Variants in TBXAS1 observed in about 807,000 individuals in gnomAD.
The protein encoded by TBXAS1 is thromboxane A synthase 1.
TBXAS1 carries 48 observed loss-of-function variants against 60.7 expected under a neutral mutation model. That is an observed-to-expected ratio of 0.79 (90% CI 0.63 to 1.01). The LOEUF is 1.01. Among genes scored for constraint, TBXAS1 ranks in the 50% least tolerant of loss-of-function variants. The pLI is 0.00. For missense variants in TBXAS1, 685 were observed against 686.3 expected (o/e 1.00, Z 0.02); for synonymous variants, 287 against 269.7 (o/e 1.06, Z -0.63).
intron 4 of TBXAS1, among the ~76,000 whole-genome samples, chr7:139,793,406 G>A (rs767604470): frequency 1.3e-5 from 2 of 151,904 alleles, no homozygotes; most frequent in Non-Finnish European, 2.9e-5. Context: ...ATGACAGAGC[G>A]AGAATCCATT....
At chr7:139,968,043 A>G (rs1401749997) in intron 9 of TBXAS1, among the ~76,000 whole-genome samples, 4 of 152,198 alleles carry the variant, frequency 2.6e-5, no homozygotes, top group Admixed American at 2.6e-4. Flanking sequence ...ATCCTTCACC[A>G]TTTGAGAAGT....
At chr7:139,903,406 G>A (rs1804731398) in intron 3 of TBXAS1, among the ~76,000 whole-genome samples, 1 of 152,036 alleles carries the variant, frequency 6.6e-6, no homozygotes, top group African/African-American at 2.4e-5. Context: ...CTATGAACAT[G>A]CCATGCAAGT....
intron 4 of TBXAS1, among the ~76,000 whole-genome samples, chr7:139,927,204 G>A (rs112525114): frequency 4.0e-5 from 6 of 149,402 alleles, no homozygotes; most frequent in Non-Finnish European, 8.9e-5. Flanking sequence ...CACCATGTTA[G>A]CCAGGCTGGT....
intron 3 of TBXAS1, among the ~76,000 whole-genome samples, chr7:139,906,663 G>T (rs1170987631): frequency 6.6e-6 from 1 of 152,102 alleles, no homozygotes; most frequent in Admixed American, 6.6e-5. Flanking sequence ...AAATATTCTT[G>T]CTGAGACTTT....
intron 1 of TBXAS1, among the ~76,000 whole-genome samples, chr7:139,846,056 A>C (rs1430333719): frequency 2.0e-5 from 3 of 151,912 alleles, no homozygotes; most frequent in South Asian, 2.1e-4. Context: ...TCTGGATCTT[A>C]ATAAAATATT....
chr7:139,856,278 A>C (rs982822256), intron 1 of TBXAS1, among the ~76,000 whole-genome samples: 22 of 152,154 alleles, frequency 1.4e-4, no homozygotes, highest in African/African-American at 5.1e-4. Flanking sequence ...GCTCCTGCTA[A>C]TCTGGGGTGA....
At chr7:139,943,369 A>G (rs932129212) in intron 5 of TBXAS1, among the ~76,000 whole-genome samples, 47 of 152,326 alleles carry the variant, frequency 3.1e-4, no homozygotes, top group African/African-American at 1.1e-3. Flanking sequence ...CACCTGATCT[A>G]CTAATTAAAA....
intron 3 of TBXAS1, among the ~76,000 whole-genome samples, chr7:139,905,132 G>T (rs1010142815): frequency 1.1e-4 from 15 of 141,014 alleles, no homozygotes; most frequent in African/African-American, 4.0e-4. Context: ...GATTGTTCTG[G>T]CTAGGACTTC....
At chr7:140,008,447 C>CTTTTTTTTTT in intron 10 of TBXAS1, among the ~76,000 whole-genome samples, 1 of 126,058 alleles carries the variant, frequency 7.9e-6, no homozygotes, top group Non-Finnish European at 1.6e-5. Context: ...TTCTTTTATT[C>CTTTTTTTTTT]TTTTTTTTTT....
intron 2 of TBXAS1, among the ~76,000 whole-genome samples, chr7:139,875,019 C>T (rs1274694419): frequency 2.0e-5 from 3 of 152,084 alleles, no homozygotes; most frequent in South Asian, 2.1e-4. Flanking sequence ...CGCTTGAATC[C>T]GGGAGGTGGA....
At chr7:140,008,852 A>G (rs911544117) in intron 10 of TBXAS1, among the ~76,000 whole-genome samples, 1 of 152,254 alleles carries the variant, frequency 6.6e-6, no homozygotes, top group Non-Finnish European at 1.5e-5. Context: ...GGGATCAAAT[A>G]GAACAAAGGC....
chr7:139,808,946 G>T (rs1797944556), intron 4 of TBXAS1, among the ~76,000 whole-genome samples: 1 of 148,266 alleles, frequency 6.7e-6, no homozygotes, highest in Non-Finnish European at 1.5e-5. Flanking sequence ...AAATGCTCTT[G>T]GCTGCATGAT....
intron 4 of TBXAS1, among the ~76,000 whole-genome samples, chr7:139,931,914 A>G (rs569560035): frequency 9.9e-5 from 15 of 152,274 alleles, no homozygotes; most frequent in African/African-American, 3.6e-4. Flanking sequence ...ATTGTTTAAT[A>G]GGCACAGAGT....
intron 4 of TBXAS1, among the ~76,000 whole-genome samples, chr7:139,930,429 C>T (rs950197302): frequency 2.6e-5 from 4 of 152,100 alleles, no homozygotes; most frequent in Non-Finnish European, 2.9e-5. Flanking sequence ...AGGTCGGTAG[C>T]GTTATTATCC....
chr7:139,790,194 G>A (rs1365428209), intron 4 of TBXAS1, among the ~76,000 whole-genome samples: 2 of 152,170 alleles, frequency 1.3e-5, no homozygotes, highest in Non-Finnish European at 2.9e-5. Context: ...CACAATCTGA[G>A]GCTTACTAAA....
At chr7:139,779,221 T>C (rs559011753) in intron 1 of TBXAS1, among the ~76,000 whole-genome samples, 13 of 152,338 alleles carry the variant, frequency 8.5e-5, no homozygotes, top group African/African-American at 2.9e-4. Flanking sequence ...CGTGATTTTC[T>C]CACTACTTCT....
At chr7:139,782,844 T>C (rs1171675018) in intron 3 of TBXAS1, 1 of 152,232 alleles carries the variant, frequency 6.6e-6, no homozygotes, top group African/African-American at 2.4e-5. Flanking sequence ...TTTCTCTGTA[T>C]CTTTCTATCT....
chr7:139,922,119 G>A (rs78743265), intron 4 of TBXAS1, among the ~76,000 whole-genome samples: 2 of 143,344 alleles, frequency 1.4e-5, no homozygotes, highest in African/African-American at 5.2e-5. Context: ...TTTTTTCCCC[G>A]AGATGGAGTT....
chr7:139,942,240 G>A (rs1808347828), intron 5 of TBXAS1, among the ~76,000 whole-genome samples: 1 of 152,170 alleles, frequency 6.6e-6, no homozygotes, highest in Non-Finnish European at 1.5e-5. Flanking sequence ...ATAATTTGGT[G>A]AAATATTACA....
Sources: allele counts gnomAD v4.1 joint callset (sites outside exome capture counted in the v4.1 genomes callset), GRCh38; gene constraint gnomAD v4.1.1; transcripts MANE v1.5; gene names NCBI Gene and HGNC (gene_info 2026-07-23, HGNC 2026-07-21).